Variants in TSPAN18 observed in about 807,000 individuals in gnomAD.
TSPAN18 encodes tetraspanin 18.
In TSPAN18, 14 loss-of-function variants were observed where a neutral mutation model predicts 27.3. That is an observed-to-expected ratio of 0.51 (90% CI 0.34 to 0.80). The LOEUF (loss-of-function observed/expected upper bound fraction) is 0.80, where lower values mean the gene tolerates loss of function less well. Ranked by LOEUF, TSPAN18 falls within the 30% of genes least tolerant of loss-of-function variation. The pLI is 0.01. For synonymous variants in TSPAN18, 143 were observed against 136.5 expected (o/e 1.05, Z -0.33); for missense variants, 268 against 323.9 (o/e 0.83, Z 1.32).
At position 44,905,415 on chromosome 11, in the gene TSPAN18, TACTAGCTGTGGGACATCGG is replaced by T. The variant is rs1859419230; in HGVS notation, c.-10-989_-10-971del. On this transcript the variant is annotated intron_variant, in intron 3 of 9. Transcript: ENST00000520358. ...TGGCTTGAGTTCTGGCCCTTCCCCTTACTAGCTGTGGGACATCGGACATGTCGTTTTCATTCTGAGTCTC... is the reference window on the plus strand; with the variant it reads ...TGGCTTGAGTTCTGGCCCTTCCCCTTACATGTCGTTTTCATTCTGAGTCTC... Among the ~76,000 whole-genome samples the T allele has an allele frequency of 3.9e-5, 6 of 152,302 alleles. No homozygotes were observed. In the South Asian group the frequency reaches 1.2e-3, roughly 32 times the overall value.
chr11:44,739,437 A>G (rs1854877435), intron 1 of TSPAN18, among the ~76,000 whole-genome samples: 1 of 152,146 alleles, frequency 6.6e-6, no homozygotes, highest in African/African-American at 2.4e-5. Flanking sequence ...ATGCTGGTTA[A>G]CACTGTGAAA....
chr11:44,914,946 G>T (rs1159979997), intron 5 of TSPAN18, among the ~76,000 whole-genome samples: 1 of 152,222 alleles, frequency 6.6e-6, no homozygotes. Context: ...TGTCATGCCG[G>T]TCTTGCGAGA....
intron 2 of TSPAN18, among the ~76,000 whole-genome samples, chr11:44,819,843 A>G (rs368319478): frequency 2.6e-5 from 4 of 152,254 alleles, no homozygotes; most frequent in Admixed American, 6.5e-5. Flanking sequence ...GCCTGAGCCA[A>G]TGGCTTACTT....
intron 2 of TSPAN18, among the ~76,000 whole-genome samples, chr11:44,802,609 G>GCGCACACACACACACA (rs1856506516): frequency 7.0e-6 from 1 of 142,610 alleles, no homozygotes; most frequent in Non-Finnish European, 1.5e-5. Flanking sequence ...GGGAAGCACT[G>GCGCACACACACACACA]CACACACACA....
intron 3 of TSPAN18, among the ~76,000 whole-genome samples, chr11:44,874,163 C>CA (rs1858267857): frequency 6.6e-6 from 1 of 152,198 alleles, no homozygotes; most frequent in African/African-American, 2.4e-5. Flanking sequence ...CACTGAGCTT[C>CA]AATTTCCTCA....
chr11:44,915,048 G>A (rs980106939), intron 5 of TSPAN18, among the ~76,000 whole-genome samples: 1 of 152,200 alleles, frequency 6.6e-6, no homozygotes, highest in Non-Finnish European at 1.5e-5. Context: ...CAGAGTACAC[G>A]AGGCCTGTGA....
At chr11:44,917,645 C>T (rs138219634) in intron 5 of TSPAN18, 115 of 230,752 alleles carry the variant, frequency 5.0e-4, no homozygotes, top group African/African-American at 2.2e-3. Context: ...TGGGCTCAAA[C>T]GGGTTTCATC....
At chr11:44,873,916 G>T (rs1294260065) in intron 3 of TSPAN18, among the ~76,000 whole-genome samples, 1 of 152,180 alleles carries the variant, frequency 6.6e-6, no homozygotes, top group Non-Finnish European at 1.5e-5. Flanking sequence ...TATATGATCT[G>T]GGCCCTCCCA....
intron 8 of TSPAN18, 28 bp downstream of exon 8, chr11:44,920,027 A>C (rs748038702): frequency 1.2e-6 from 2 of 1,600,824 alleles, no homozygotes; most frequent in Non-Finnish European, 1.7e-6. Context: ...CAGACAGGGG[A>C]GTGGGTCTAT....
chr11:44,790,568 G>GCACA (rs1856192257), intron 2 of TSPAN18, among the ~76,000 whole-genome samples: 8 of 151,284 alleles, frequency 5.3e-5, no homozygotes, highest in Non-Finnish European at 1.0e-4. Flanking sequence ...GTGTTCGTGT[G>GCACA]TGTGTGCATG....
intron 1 of TSPAN18, among the ~76,000 whole-genome samples, chr11:44,762,012 G>T (rs1006790128): frequency 7.2e-5 from 11 of 152,322 alleles, no homozygotes; most frequent in Admixed American, 6.5e-4. Context: ...TCAAAGAAAA[G>T]GGGTTCCTTC....
rs2135391908 is a variant in TSPAN18 at position 44,930,179 on chromosome 11, G to A, written c.*1001G>A. The A allele has an allele frequency of 6.6e-6, 1 of 152,516 alleles. No homozygotes were observed. Among genetic ancestry groups the A allele is most frequent in the East Asian group, 1.9e-4 (1 of 5,172 alleles). The allele number at this position is 152,516 out of a possible 1,614,324, so 9.4% of individuals were successfully genotyped here. On this transcript the variant is annotated 3_prime_UTR_variant, in exon 10 of 10. Coordinates refer to ENST00000520358, the MANE Select transcript of TSPAN18 (RefSeq NM_130783.5). ...CCCCAACTCCCCAGCTCCAAGAGTG[G>A]AAGAAATCCCCAAGATCATCTGGGT...
chr11:44,841,066 TTGCCTGGCAGGATTAAA>T (rs1857362960), intron 2 of TSPAN18, among the ~76,000 whole-genome samples: 1 of 152,170 alleles, frequency 6.6e-6, no homozygotes, highest in Non-Finnish European at 1.5e-5. Context: ...CCCTGGAGTA[TTGCCTGGCAGGATTAAA>T]GATACACAAA....
At chr11:44,830,178 C>T (rs1017139999) in intron 2 of TSPAN18, among the ~76,000 whole-genome samples, 1 of 152,210 alleles carries the variant, frequency 6.6e-6, no homozygotes, top group South Asian at 2.1e-4. Flanking sequence ...CTGCTTGGAG[C>T]TCTTGTCCAG....
intron 4 of TSPAN18, among the ~76,000 whole-genome samples, chr11:44,908,769 G>GAAAGAAAAGAAAGAAAGAA (rs1554938043): frequency 4.2e-5 from 3 of 71,620 alleles, no homozygotes; most frequent in African/African-American, 2.0e-4. Flanking sequence ...AGAGAGAAAG[G>GAAAGAAAAGAAAGAAAGAA]AGAAAGAAAG....
At chr11:44,874,568 GC>G (rs1395123441) in intron 3 of TSPAN18, among the ~76,000 whole-genome samples, 1 of 152,216 alleles carries the variant, frequency 6.6e-6, no homozygotes, top group Non-Finnish European at 1.5e-5. Flanking sequence ...TATCTTGATT[GC>G]AAAGCCTGGC....
intron 2 of TSPAN18, among the ~76,000 whole-genome samples, chr11:44,778,045 A>T (rs1855854744): frequency 6.6e-6 from 1 of 151,910 alleles, no homozygotes; most frequent in Admixed American, 6.6e-5. Context: ...AGCAGATGGG[A>T]ATTATGCTCC....
chr11:44,879,447 G>A (rs11606374), intron 3 of TSPAN18, among the ~76,000 whole-genome samples: 30,228 of 152,204 alleles, frequency 0.2, 3,387 homozygotes, highest in East Asian at 0.25. Flanking sequence ...CAGTGATGGA[G>A]CGCGTGGGGT....
chr11:44,772,924 T>G (rs893346675), intron 2 of TSPAN18, among the ~76,000 whole-genome samples: 1 of 152,080 alleles, frequency 6.6e-6, no homozygotes, highest in Non-Finnish European at 1.5e-5. Flanking sequence ...CCCAAAGTGC[T>G]GGGATTACAG....
Sources: allele counts gnomAD v4.1 joint callset (sites outside exome capture counted in the v4.1 genomes callset), GRCh38; gene constraint gnomAD v4.1.1; transcripts MANE v1.5; gene names NCBI Gene and HGNC (gene_info 2026-07-23, HGNC 2026-07-21).